Variants in HTT observed in about 807,000 individuals in gnomAD.
HTT encodes huntingtin.
A neutral mutation model predicts 362.3 loss-of-function variants in HTT; 104 were observed. The ratio of observed to expected loss-of-function variants is 0.29; its 90% CI spans 0.24 to 0.34. The LOEUF is 0.34. Ranked by LOEUF, HTT falls within the 10% of genes least tolerant of loss-of-function variation. The pLI is 1.00. For missense variants in HTT, 3,301 were observed against 3,928.6 expected (o/e 0.84, Z 4.27); for synonymous variants, 1,577 against 1,548.7 (o/e 1.02, Z -0.43).
chr4:3,229,917 C>T lies in HTT; in HGVS notation c.8140C>T (p.Arg2714Cys), dbSNP rs759918609. The T allele has an allele frequency of 2.5e-6, 4 of 1,614,030 alleles. No homozygotes were observed. The South Asian group carries it at 3.3e-5, about 13-fold the overall frequency. The stretch of plus-strand genomic sequence containing the variant: ...AGTGGTCTCAGACTTGTTCACCGAG[C>T]GCAACCAGTTTGAGCTGATGTATGT... ...LLVVSDLFTE[R>C]NQFELMYVTL... is the part of the protein sequence containing the mutation. The change falls in exon 60 of 67, where the codon CGC becomes TGC. Residue 2714 changes from arginine (R) to cysteine (C), a missense_variant. Around this residue, in one of 4 missense-constraint regions of HTT, gnomAD observed 753 missense variants for 1,021.3 expected, o/e 0.74. Transcript: ENST00000355072.
At chr4:3,212,278 C>T in intron 48 of HTT, 136 bp downstream of exon 48, 1 of 746,844 alleles carries the variant, frequency 1.3e-6, no homozygotes, top group Non-Finnish European at 2.1e-6. Flanking sequence ...TAAAGAGCAG[C>T]ACGGGTGTCC....
chr4:3,209,202 A>G (rs904039680), intron 46 of HTT, among the ~76,000 whole-genome samples: 1 of 152,126 alleles, frequency 6.6e-6, no homozygotes, highest in Non-Finnish European at 1.5e-5. Flanking sequence ...CTTCAAGCAC[A>G]TGTCAATGCC....
chr4:3,138,065 G>GTTCC (rs57986232), intron 21 of HTT, among the ~76,000 whole-genome samples: 11,621 of 145,374 alleles, frequency 0.08, 734 homozygotes, highest in East Asian at 0.33. Flanking sequence ...ACATACCATT[G>GTTCC]TTCCTTCCTT....
At chr4:3,088,701 C>G (rs551450332) in intron 2 of HTT, among the ~76,000 whole-genome samples, 1 of 151,954 alleles carries the variant, frequency 6.6e-6, no homozygotes, top group Non-Finnish European at 1.5e-5. Flanking sequence ...TGTAACTGCT[C>G]TGGAGACCTC....
rs1239540947 is a variant in HTT, at chr4:3,228,215, C to G, written c.7849-400C>G. Reference sequence around the variant, plus strand: ...CGGGTCACAAAGGCGCGAGGGAGCTCTGGCCTTGGGTTTACCGCAATGACT... The same window carrying G: ...CGGGTCACAAAGGCGCGAGGGAGCTGTGGCCTTGGGTTTACCGCAATGACT... On this transcript the variant is annotated intron_variant, in intron 57 of 66. Coordinates refer to ENST00000355072, the MANE Select transcript of HTT (RefSeq NM_001388492.1). The surrounding 1 kb of genome is among the most constrained non-coding windows in gnomAD (Gnocchi z 4.3). Among the ~76,000 whole-genome samples the G allele has an allele frequency of 6.6e-6, 1 of 152,194 alleles. No individual in the cohort carries two copies. The highest frequency in any genetic ancestry group is 1.5e-5 in the Non-Finnish European group (1 of 68,036).
At position 3,075,004 on chromosome 4, in the gene HTT, C is replaced by T; in HGVS notation, c.179C>T (p.Pro60Leu). ...QLPQPPPQAQPLLPQPQPPPP... is the reference protein window; with the variant it reads ...QLPQPPPQAQLLLPQPQPPPP... Reference sequence around the variant, plus strand: ...CCTCAGCCGCCGCCGCAGGCACAGCCGCTGCTGCCTCAGCCGCAGCCGCCC... The same window carrying T: ...CCTCAGCCGCCGCCGCAGGCACAGCTGCTGCTGCCTCAGCCGCAGCCGCCC... Residue 60 changes from proline (P) to leucine (L), a missense_variant, in exon 1 of 67, where the codon CCG (proline) becomes CTG (leucine). By Grantham distance (98) the Pro-to-Leu change is moderately conservative. Around this residue, in one of 4 missense-constraint regions of HTT, gnomAD observed 2,316 missense variants for 2,658.5 expected, o/e 0.87. Transcript: ENST00000355072. 1 of 1,431,044 alleles carries T rather than the reference C, an allele frequency of 7.0e-7. No individual in the cohort carries two copies. The highest frequency in any genetic ancestry group is 9.2e-7 in the Non-Finnish European group (1 of 1,091,862). The allele number at this position is 1,431,044 out of a possible 1,614,324, so 88.6% of individuals were successfully genotyped here. A position where few individuals can be genotyped will look rare whatever the true frequency, so the allele number is the denominator to read the frequency against.
rs185729598 is a variant in HTT at position 3,191,753 on chromosome 4, T to A, written c.5368+2660T>A. On this transcript the variant is annotated intron_variant, in intron 40 of 66. Coordinates refer to ENST00000355072, the MANE Select transcript of HTT (RefSeq NM_001388492.1). ...TCTCCAAATAGAACTAAACATGTAA[T>A]TCAGATTGTTAGGAGGTAGTATAAA... 3.9e-5 allele frequency among the ~76,000 whole-genome samples: 6 copies of A among 152,324 alleles called. No homozygotes were observed. The East Asian group carries it at 1.2e-3, about 29-fold the overall frequency.
chr4:3,217,708 A>G (rs551021608), intron 51 of HTT, 57 bp from the exon 52 acceptor site: 36 of 1,436,560 alleles, frequency 2.5e-5, no homozygotes, highest in Non-Finnish European at 3.2e-5. Context: ...TGCTTTCTAC[A>G]CTGGGCATAT....
Position 3,206,863 on chromosome 4 carries a change from G to A in HTT, c.5955G>A (p.Ser1985=), listed in dbSNP as rs369232462. Reference sequence around the variant, plus strand: ...TGGAGGGGATCCATCTCAGCCAGTCGGGAGCTGTGCTCACGCTGTATGTGG... The same window carrying A: ...TGGAGGGGATCCATCTCAGCCAGTCAGGAGCTGTGCTCACGCTGTATGTGG... ...QCLEGIHLSQ[S]GAVLTLYVDR... is the part of the protein sequence containing the mutation. The change falls in exon 44 of 67, where the codon TCG becomes TCA. Residue 1985 remains serine, a synonymous_variant. Coordinates refer to ENST00000355072, the MANE Select transcript of HTT (RefSeq NM_001388492.1). The surrounding 1 kb of genome is among the most constrained non-coding windows in gnomAD (Gnocchi z 4.6). The A allele has an allele frequency of 1.2e-4, 193 of 1,613,442 alleles. No homozygotes were observed. The highest frequency in any genetic ancestry group is 1.6e-4 in the Middle Eastern group (1 of 6,082).
chr4:3,157,868 A>G (rs531329942), intron 28 of HTT, among the ~76,000 whole-genome samples: 1 of 152,330 alleles, frequency 6.6e-6, no homozygotes, highest in Admixed American at 6.5e-5. Flanking sequence ...ATGTTTACAG[A>G]AGAATTTTTC....
rs768407463 is a variant in HTT, at chr4:3,074,893, AGC to A, written c.69_70del (p.Gln24AlafsTer58). On this transcript the variant is annotated frameshift_variant, in exon 1 of 67. Coordinates refer to ENST00000355072, the MANE Select transcript of HTT (RefSeq NM_001388492.1). LOFTEE classifies it high-confidence loss of function. ...AAGTCCTTCCAGCAGCAGCAGCAGC[AGC>A]AGCAGCAGCAGCAGCAGCAGCAGCA... The A allele has an allele frequency of 7.6e-5, 112 of 1,466,406 alleles. 1 individual carries two copies. The South Asian group carries it at 1.3e-3, about 17-fold the overall frequency. The allele number at this position is 1,466,406 out of a possible 1,614,324, so 90.8% of individuals were successfully genotyped here. A position where few individuals can be genotyped will look rare whatever the true frequency, so the allele number is the denominator to read the frequency against.
chr4:3,140,696 T>C (rs1226597354), intron 22 of HTT, 40 bp downstream of exon 22: 1 of 1,586,336 alleles, frequency 6.3e-7, no homozygotes, highest in East Asian at 2.2e-5. Flanking sequence ...GTCGGGAAAA[T>C]GCCCTTTCCT....
intron 40 of HTT, among the ~76,000 whole-genome samples, chr4:3,190,249 AG>A (rs1283211637): frequency 6.6e-6 from 1 of 151,188 alleles, no homozygotes; most frequent in African/African-American, 2.4e-5. Context: ...TGGGAGGCTG[AG>A]GTGGGAGGAT....
In HTT at chr4:3,229,890, C is replaced by T; in HGVS notation, c.8113C>T (p.Leu2705=). ...TCCTGGTTTTCCACATCTCCAGCTT[C>T]TAGTGGTCTCAGACTTGTTCACCGA... ...ILISEVVRSL[L]VVSDLFTERN... The change falls in exon 60 of 67, where the codon CTA becomes TTA. Residue 2705 remains leucine, a synonymous_variant. Coordinates refer to ENST00000355072, the MANE Select transcript of HTT (RefSeq NM_001388492.1). The T allele has an allele frequency of 6.2e-7, 1 of 1,614,124 alleles. No homozygotes were observed. The highest frequency in any genetic ancestry group is 8.5e-7 in the Non-Finnish European group (1 of 1,179,960).
At chr4:3,188,134 A>AGGCAG (rs1190174605) in intron 39 of HTT, 7 of 381,838 alleles carry the variant, frequency 1.8e-5, no homozygotes, top group Middle Eastern at 1.4e-3. Flanking sequence ...GGCTCGCCTC[A>AGGCAG]GGCAGGGCAG....
At position 3,099,906 on chromosome 4, in the gene HTT, G is replaced by A. The variant is rs1036497715; in HGVS notation, c.468+512G>A. Among the ~76,000 whole-genome samples, 120 of 151,538 alleles carry A rather than the reference G, an allele frequency of 7.9e-4. 1 individual carries two copies. Among genetic ancestry groups the A allele is most frequent in the Admixed American group, 2.0e-4 (3 of 15,230 alleles). On this transcript the variant is annotated intron_variant, in intron 3 of 66. Transcript: ENST00000355072. ...TTGGAGGTGCTCTGTTGTATGGTTT[G>A]GAGGTGCTCTGTTGTATGGTTTGGA... is the stretch of plus-strand genomic sequence containing the variant.
chr4:3,208,259 T>C (rs186451841), intron 45 of HTT, among the ~76,000 whole-genome samples: 22 of 152,336 alleles, frequency 1.4e-4, no homozygotes, highest in Non-Finnish European at 2.5e-4. Flanking sequence ...TAAACTATTA[T>C]TACTTTTTGA....
Position 3,115,406 on chromosome 4 carries a change from A to G in HTT, c.850A>G (p.Thr284Ala), listed in dbSNP as rs548352092. 52 of 1,613,902 alleles carry G rather than the reference A, an allele frequency of 3.2e-5. No individual in the cohort carries two copies. In the Middle Eastern group the frequency reaches 1.5e-3, roughly 46 times the overall value. The change falls in exon 7 of 67, where the codon ACA (threonine) becomes GCA (alanine). Residue 284 changes from threonine (T) to alanine (A), a missense_variant. Physicochemically the swap from Thr to Ala is moderately conservative, Grantham distance 58. Transcript: ENST00000355072. ...GAGCATCTGCCAGCACTCAAGAAGG[A>G]CACAATATTTCTATAGTTGGCTACT... Reference protein sequence around the residue: ...AVSICQHSRRTQYFYSWLLNV... With the variant: ...AVSICQHSRRAQYFYSWLLNV...
chr4:3,225,614 C>T, intron 56 of HTT, 47 bp from the exon 57 acceptor site: 3 of 1,558,132 alleles, frequency 1.9e-6, no homozygotes, highest in Non-Finnish European at 2.6e-6. Context: ...GGGCCTGCGG[C>T]CCTGCCCCCC....
Sources: gnomAD v4.1 joint callset for allele counts (sites outside exome capture counted in the v4.1 genomes callset) on GRCh38, gnomAD v4.1.1 for gene constraint, gnomAD v4.1.1 regional missense constraint, Gnocchi (gnomAD v3.1) non-coding constraint, MANE v1.5 for transcripts, NCBI Gene and HGNC (gene_info 2026-07-23, HGNC 2026-07-21) for gene names.